The following TMEM135 variants were observed in gnomAD, a reference collection of about 807,000 sequenced individuals.
TMEM135 encodes transmembrane protein 135, also known as peroxisomal membrane protein 52.
TMEM135 carries 30 observed loss-of-function variants against 60.3 expected under a neutral mutation model. That is an observed-to-expected ratio of 0.50 (90% CI 0.37 to 0.68). TMEM135 has a LOEUF of 0.68. Among genes scored for constraint, TMEM135 ranks in the 30% least tolerant of loss-of-function variants. TMEM135 has a pLI of 0.00. For missense variants in TMEM135, 468 were observed against 548.8 expected (o/e 0.85, Z 1.47); for synonymous variants, 190 against 186.7 (o/e 1.02, Z -0.14).
At chr11:87,090,328 T>G (rs1363451084) in intron 3 of TMEM135, among the ~76,000 whole-genome samples, 1 of 152,166 alleles carries the variant, frequency 6.6e-6, no homozygotes, top group Non-Finnish European at 1.5e-5. Context: ...CTAACTTTAC[T>G]TTAGTACTGT....
In TMEM135 at chr11:87,038,118, G is replaced by T. The variant is rs1363423721; in HGVS notation, c.73G>T (p.Val25Phe). 5 of 1,614,150 alleles carry T rather than the reference G, an allele frequency of 3.1e-6. No homozygotes were observed. Among genetic ancestry groups the T allele is most frequent in the South Asian group, 1.1e-5 (1 of 91,078 alleles). Reference protein sequence around the residue: ...IGHTWHPSCRVSFLQITGGAL... With the variant: ...IGHTWHPSCRFSFLQITGGAL... The stretch of plus-strand genomic sequence containing the variant: ...CCACACTTGGCACCCTTCCTGCCGG[G>T]TCTCCTTCCTGCAGATCACCGGGGG... The change falls in exon 1 of 15, where the codon GTC becomes TTC. Residue 25 changes from valine (V) to phenylalanine (F), a missense_variant. Val to Phe is a conservative substitution (Grantham distance 50, BLOSUM62 -1). Coordinates refer to ENST00000305494, the MANE Select transcript of TMEM135 (RefSeq NM_022918.4).
chr11:87,157,378 G>T lies in TMEM135; in HGVS notation c.434G>T (p.Gly145Val). ...CTATTCAGAATGGGTGTAGCAAGAGGAACCATCACAACATTAAGAAATGGA... is the reference window on the plus strand; with the variant it reads ...CTATTCAGAATGGGTGTAGCAAGAGTAACCATCACAACATTAAGAAATGGA... ...ETLFRMGVAR[G>V]TITTLRNGEV... The change falls in exon 5 of 15, where the codon GGA becomes GTA. Residue 145 changes from glycine to valine, a missense_variant. Gly to Val is a moderately radical substitution (Grantham distance 109, BLOSUM62 -3). Coordinates refer to ENST00000305494, the MANE Select transcript of TMEM135 (RefSeq NM_022918.4). 1 of 1,612,998 alleles carries T rather than the reference G, an allele frequency of 6.2e-7. No individual in the cohort carries two copies. Among genetic ancestry groups the T allele is most frequent in the South Asian group, 1.1e-5 (1 of 91,018 alleles).
At chr11:87,309,307 A>C (rs1038621849) in intron 9 of TMEM135, among the ~76,000 whole-genome samples, 198 bp from the exon 10 acceptor site, 2 of 152,202 alleles carry the variant, frequency 1.3e-5, no homozygotes, top group East Asian at 3.8e-4. Flanking sequence ...AAGTAAACTC[A>C]TTCCAAGATT....
chr11:87,190,797 A>G (rs1307997886), intron 5 of TMEM135, among the ~76,000 whole-genome samples: 1 of 152,164 alleles, frequency 6.6e-6, no homozygotes, highest in Non-Finnish European at 1.5e-5. Flanking sequence ...TGCAATAGAT[A>G]TTTCTCGATC....
At chr11:87,237,692 C>T (rs1024027458) in intron 6 of TMEM135, among the ~76,000 whole-genome samples, 10 of 151,876 alleles carry the variant, frequency 6.6e-5, no homozygotes, top group East Asian at 1.9e-4. Flanking sequence ...CCAATTTACA[C>T]TCTTAGTTAT....
At chr11:87,128,215 T>A (rs1260248594) in intron 4 of TMEM135, among the ~76,000 whole-genome samples, 1 of 152,246 alleles carries the variant, frequency 6.6e-6, no homozygotes, top group Non-Finnish European at 1.5e-5. Context: ...TATACCTTGA[T>A]GACCCCCTTT....
chr11:87,075,251 C>T (rs1044935301), intron 3 of TMEM135, among the ~76,000 whole-genome samples: 7 of 151,722 alleles, frequency 4.6e-5, no homozygotes, highest in African/African-American at 1.5e-4. Flanking sequence ...CTCCGCCTCC[C>T]GGGTTCACGC....
At chr11:87,109,560 T>C (rs1565444710) in intron 4 of TMEM135, among the ~76,000 whole-genome samples, 2 of 152,326 alleles carry the variant, frequency 1.3e-5, no homozygotes, top group East Asian at 3.9e-4. Flanking sequence ...CATTGTGACA[T>C]AGCAGTTAAA....
At chr11:87,225,751 C>A (rs987964300) in intron 5 of TMEM135, among the ~76,000 whole-genome samples, 1 of 152,054 alleles carries the variant, frequency 6.6e-6, no homozygotes, top group Admixed American at 6.6e-5. Context: ...TTGAAAGCTT[C>A]AGTTTGAAGT....
chr11:87,075,400 C>T (rs980303471), intron 3 of TMEM135, among the ~76,000 whole-genome samples: 5 of 152,074 alleles, frequency 3.3e-5, no homozygotes, highest in Non-Finnish European at 7.4e-5. Flanking sequence ...GTGATCTGCC[C>T]GCCTCAGCCT....
chr11:87,088,255 C>G (rs1346779121), intron 3 of TMEM135, among the ~76,000 whole-genome samples: 1 of 152,148 alleles, frequency 6.6e-6, no homozygotes, highest in African/African-American at 2.4e-5. Context: ...TTTATTGGCT[C>G]TGCAAGTCAA....
chr11:87,067,819 A>G lies in TMEM135; in HGVS notation c.267A>G (p.Leu89=), dbSNP rs1351295264. The change falls in exon 2 of 15, where the codon TTA becomes TTG. Residue 89 remains leucine (L), a splice_region_variant and synonymous_variant. Transcript: ENST00000305494. ...TGTATATGGCTTTCTTTTGCATTTTAAGGTTGGTACTCATAATCACCATAG... is the reference window on the plus strand; with the variant it reads ...TGTATATGGCTTTCTTTTGCATTTTGAGGTTGGTACTCATAATCACCATAG... ...GALYMAFFCI[L]RKILGKFYSW... is the part of the protein sequence containing the mutation. 6.2e-7 allele frequency: 1 copy of G among 1,613,608 alleles called. No homozygotes were observed.
intron 6 of TMEM135, among the ~76,000 whole-genome samples, chr11:87,271,334 G>A (rs977526326): frequency 1.3e-5 from 2 of 152,108 alleles, no homozygotes; most frequent in African/African-American, 4.8e-5. Context: ...AGAGAAAAAA[G>A]TTGTGCCATG....
At position 87,171,428 on chromosome 11, in the gene TMEM135, A is replaced by G. The variant is rs532774473; in HGVS notation, c.462+14022A>G. ...GCTTGTGGTAGAATCAAGAATTAGT[A>G]TTCTGTCTCCCAACTGGAGTAGCCA... On this transcript the variant is annotated intron_variant, in intron 5 of 14. Coordinates refer to ENST00000305494, the MANE Select transcript of TMEM135 (RefSeq NM_022918.4). 1.7e-4 allele frequency among the ~76,000 whole-genome samples: 26 copies of G among 152,082 alleles called. No homozygotes were observed. The South Asian group carries it at 4.2e-3, about 24-fold the overall frequency.
At chr11:87,284,645 C>A (rs1181671963) in intron 6 of TMEM135, among the ~76,000 whole-genome samples, 1 of 152,154 alleles carries the variant, frequency 6.6e-6, no homozygotes, top group Non-Finnish European at 1.5e-5. Context: ...AATAAATGTA[C>A]TGTGAAATAT....
chr11:87,166,498 G>T (rs1378508495), intron 5 of TMEM135, among the ~76,000 whole-genome samples: 1 of 151,500 alleles, frequency 6.6e-6, no homozygotes, highest in Non-Finnish European at 1.5e-5. Flanking sequence ...ATAAGGAAGG[G>T]GTCCAGTTTC....
At chr11:87,223,669 A>ACG (rs201495338) in intron 5 of TMEM135, among the ~76,000 whole-genome samples, 2,397 of 109,220 alleles carry the variant, frequency 0.022, 26 homozygotes, top group South Asian at 0.026. Context: ...ACATGCACGC[A>ACG]CACACACACA....
rs1938384131 is a variant in TMEM135 at position 87,145,322 on chromosome 11, T to TTTGTC, written c.397-12019_397-12018insTTGTC. On this transcript the variant is annotated intron_variant, in intron 4 of 14. Coordinates refer to ENST00000305494, the MANE Select transcript of TMEM135 (RefSeq NM_022918.4). ...AATACCTCACCTTTTCTTTATCCATTCATCTGTTGATGGACACTTAGGTTG... is the reference window on the plus strand; with the variant it reads ...AATACCTCACCTTTTCTTTATCCATTTTGTCCATCTGTTGATGGACACTTAGGTTG... Among the ~76,000 whole-genome samples the TTTGTC allele has an allele frequency of 1.3e-5, 2 of 152,218 alleles. 1 individual carries two copies. The highest frequency in any genetic ancestry group is 4.1e-4 in the South Asian group (2 of 4,828).
At chr11:87,171,764 T>C (rs1290593409) in intron 5 of TMEM135, among the ~76,000 whole-genome samples, 1 of 152,214 alleles carries the variant, frequency 6.6e-6, no homozygotes, top group African/African-American at 2.4e-5. Context: ...GGGACCGGCT[T>C]CGTCGAAGAC....
Sources: allele counts gnomAD v4.1 joint callset (sites outside exome capture counted in the v4.1 genomes callset), GRCh38; gene constraint gnomAD v4.1.1; transcripts MANE v1.5; gene names NCBI Gene and HGNC (gene_info 2026-07-23, HGNC 2026-07-21).